The following IGSF10 variants were observed in gnomAD, a reference collection of about 807,000 sequenced individuals.
IGSF10 encodes calvaria mechanical force protein 608.
Under a neutral mutation model 128.2 loss-of-function variants are expected in IGSF10, and 126 were observed. That is an observed-to-expected ratio of 0.98 (90% CI 0.85 to 1.14). IGSF10 has a LOEUF of 1.14. Ranked by LOEUF, IGSF10 falls within the 50% of genes most tolerant of loss-of-function variation. IGSF10 has a pLI of 0.00. For synonymous variants in IGSF10, 1,185 were observed against 1,146.2 expected (o/e 1.03, Z -0.68); for missense variants, 3,295 against 3,149.8 (o/e 1.05, Z -1.10).
the IGSF10 span, among the ~76,000 whole-genome samples, chr3:151,491,535 G>T: frequency 1.1e-4 from 16 of 152,156 alleles, no homozygotes; most frequent in Admixed American, 9.8e-4. Context: ...CCAAGATTGT[G>T]CCACTGCACT....
At chr3:151,460,012 A>C (rs998469176) in intron 2 of IGSF10, among the ~76,000 whole-genome samples, 16 of 152,298 alleles carry the variant, frequency 1.1e-4, no homozygotes, top group Admixed American at 1.0e-3. Context: ...CATCGTAACC[A>C]CCTGGTTACA....
chr3:151,464,069 T>G (rs1210674456), upstream of IGSF10, among the ~76,000 whole-genome samples: 1 of 152,238 alleles, frequency 6.6e-6, no homozygotes, highest in Non-Finnish European at 1.5e-5. Context: ...AACTTTATTT[T>G]GCAGAAGTTA....
the IGSF10 span, among the ~76,000 whole-genome samples, chr3:151,491,458 A>T: frequency 1.3e-5 from 2 of 152,072 alleles, no homozygotes; most frequent in African/African-American, 4.8e-5. Context: ...TGTGCCTGTA[A>T]TCCCGGGTAC....
chr3:151,506,467 C>A, the IGSF10 span, among the ~76,000 whole-genome samples: 1 of 152,144 alleles, frequency 6.6e-6, no homozygotes, highest in Non-Finnish European at 1.5e-5. Context: ...AAGGAATTTA[C>A]ATTTATTAAA....
At chr3:151,582,660 A>G in the IGSF10 span, among the ~76,000 whole-genome samples, 1 of 152,190 alleles carries the variant, frequency 6.6e-6, no homozygotes, top group Non-Finnish European at 1.5e-5. Flanking sequence ...GATACTAGCT[A>G]CCTATCATCC....
chr3:151,480,101 C>T, the IGSF10 span, among the ~76,000 whole-genome samples: 2 of 152,098 alleles, frequency 1.3e-5, no homozygotes. Context: ...AGAATGATGT[C>T]AGCAAGATGG....
the IGSF10 span, among the ~76,000 whole-genome samples, chr3:151,590,671 C>G: frequency 6.6e-6 from 1 of 152,068 alleles, no homozygotes; most frequent in Non-Finnish European, 1.5e-5. Flanking sequence ...GCAGAGATGG[C>G]TCAGATTTTG....
the IGSF10 span, among the ~76,000 whole-genome samples, chr3:151,494,384 C>T: frequency 1.3e-5 from 2 of 152,056 alleles, no homozygotes; most frequent in Non-Finnish European, 2.9e-5. Context: ...CCAGGCATAT[C>T]TTGAATGGGA....
the IGSF10 span, among the ~76,000 whole-genome samples, chr3:151,596,131 G>A: frequency 1.3e-5 from 2 of 152,136 alleles, no homozygotes; most frequent in African/African-American, 4.8e-5. Flanking sequence ...GTGGTCATAT[G>A]AATGGTTCAA....
the IGSF10 span, among the ~76,000 whole-genome samples, chr3:151,561,256 CTAAA>C: frequency 6.6e-6 from 1 of 152,052 alleles, no homozygotes; most frequent in Non-Finnish European, 1.5e-5. Flanking sequence ...AAACAAAAAA[CTAAA>C]TGTTGTTTCT....
In IGSF10 at chr3:151,458,500, A is replaced by G. The variant is rs1215649793; in HGVS notation, c.194+16T>C. On this transcript the variant is annotated intron_variant, in intron 3 of 7. Coordinates refer to ENST00000282466, the MANE Select transcript of IGSF10 (RefSeq NM_178822.5). ...TGATCCCTCTTTGAGAAGAGGAAAC[A>G]TGAGGTCTCACACACCCTAAATTGA... The G allele has an allele frequency of 1.9e-6, 3 of 1,590,196 alleles. No homozygotes were observed. Among genetic ancestry groups the G allele is most frequent in the South Asian group, 2.2e-5 (2 of 88,920 alleles).
At chr3:151,589,723 C>T in the IGSF10 span, among the ~76,000 whole-genome samples, 1 of 152,276 alleles carries the variant, frequency 6.6e-6, no homozygotes, top group Non-Finnish European at 1.5e-5. Flanking sequence ...ACTGCCTAAG[C>T]CATTGCCAAA....
At chr3:151,453,857 T>C (rs1281928093) in intron 4 of IGSF10, 83 bp from the exon 5 acceptor site, 9 of 831,580 alleles carry the variant, frequency 1.1e-5, no homozygotes, top group South Asian at 7.5e-5. Context: ...ACAAAACTTA[T>C]GTTGAAATTA....
the IGSF10 span, among the ~76,000 whole-genome samples, chr3:151,468,255 A>T: frequency 6.6e-6 from 1 of 152,222 alleles, no homozygotes; most frequent in Non-Finnish European, 1.5e-5. Context: ...TAGAGCAAGA[A>T]AAAGCTCAAA....
At chr3:151,592,193 A>G in the IGSF10 span, among the ~76,000 whole-genome samples, 1 of 151,372 alleles carries the variant, frequency 6.6e-6, no homozygotes, top group African/African-American at 2.4e-5. Flanking sequence ...AAAGGGGGTT[A>G]GAGAAGTGTT....
At chr3:151,435,059 TTTC>T (rs1394640689), downstream of IGSF10, 2 of 99,740 alleles carry the variant, frequency 2.0e-5, no homozygotes, top group East Asian at 2.3e-4. Flanking sequence ...TCTTGAGAGG[TTTC>T]TTTTTTTTTT....
the IGSF10 span, among the ~76,000 whole-genome samples, chr3:151,528,255 T>C: frequency 6.6e-6 from 1 of 152,338 alleles, no homozygotes; most frequent in South Asian, 2.1e-4. Context: ...TTATTCATTC[T>C]TTTTGTTGTC....
chr3:151,617,894 A>G, the IGSF10 span, among the ~76,000 whole-genome samples: 1 of 152,192 alleles, frequency 6.6e-6, no homozygotes, highest in African/African-American at 2.4e-5. Flanking sequence ...TGATTATGTT[A>G]TAAAAGCCAG....
At chr3:151,589,274 C>G in the IGSF10 span, among the ~76,000 whole-genome samples, 2 of 152,092 alleles carry the variant, frequency 1.3e-5, no homozygotes, top group Admixed American at 6.6e-5. Context: ...CAAATAGAAC[C>G]AAATGGAAAC....
Sources: allele counts gnomAD v4.1 joint callset (sites outside exome capture counted in the v4.1 genomes callset), GRCh38; gene constraint gnomAD v4.1.1; transcripts MANE v1.5; gene names NCBI Gene and HGNC (gene_info 2026-07-23, HGNC 2026-07-21).